CASP9: variants seen among roughly 807,000 people sequenced by gnomAD.
CASP9 encodes caspase-9.
CASP9 carries 29 observed loss-of-function variants against 43.5 expected under a neutral mutation model. The observed-to-expected ratio is 0.67, with a 90% CI of 0.50 to 0.91. The LOEUF (loss-of-function observed/expected upper bound fraction) is 0.91. Among genes scored for constraint, CASP9 ranks in the 40% least tolerant of loss-of-function variants. The pLI, the probability that CASP9 is intolerant of heterozygous loss-of-function variation, is 0.00. For missense variants in CASP9, 575 were observed against 537.4 expected, an observed-to-expected ratio of 1.07 and a Z score of -0.69; for synonymous variants, 206 against 211.9, an observed-to-expected ratio of 0.97 and a Z score of 0.24.
chr1:15,492,894 G>A lies in CASP9; in HGVS notation c.*49C>T, dbSNP rs919546115. ...GGCCTCAGCCTCTTTCAGGCCTGGGGCAGGAAAGCTTTGGGGTGCAAGATA... is the reference window on the plus strand; with the variant it reads ...GGCCTCAGCCTCTTTCAGGCCTGGGACAGGAAAGCTTTGGGGTGCAAGATA... On this transcript the variant is annotated 3_prime_UTR_variant, in exon 9 of 9. Transcript: ENST00000333868. 2 of 1,607,134 alleles carry A rather than the reference G, an allele frequency of 1.2e-6. No homozygotes were observed. The highest frequency in any genetic ancestry group is 1.7e-6 in the Non-Finnish European group (2 of 1,178,844).
chr1:15,509,635 CAAAA>C (rs1334952269), intron 2 of CASP9, among the ~76,000 whole-genome samples: 1 of 116,198 alleles, frequency 8.6e-6, no homozygotes, highest in Non-Finnish European at 1.8e-5. Flanking sequence ...AACTCCATCT[CAAAA>C]AAAAAAAAAA....
rs543011139 is a variant in CASP9 at position 15,496,473 on chromosome 1, T to C, written c.869-1021A>G. ...TCAAATTGGAAAGAAGGAGTAAAAT[T>C]ATCTCTACTCACAAATGGTATGATT... On this transcript the variant is annotated intron_variant, in intron 6 of 8. Transcript: ENST00000333868. Among the ~76,000 whole-genome samples the C allele has an allele frequency of 3.9e-5, 6 of 152,264 alleles. No individual in the cohort carries two copies. In the South Asian group the frequency reaches 8.3e-4, roughly 21 times the overall value.
At chr1:15,523,545 T>C (rs557069885) in intron 1 of CASP9, among the ~76,000 whole-genome samples, 1 of 152,326 alleles carries the variant, frequency 6.6e-6, no homozygotes, top group South Asian at 2.1e-4. Flanking sequence ...GTATCCTAAG[T>C]GACCTAAATC....
At position 15,507,053 on chromosome 1, in the gene CASP9, G is replaced by A. The variant is rs749114374; in HGVS notation, c.476C>T (p.Pro159Leu). 2 of 1,614,176 alleles carry A rather than the reference G, an allele frequency of 1.2e-6. No homozygotes were observed. Among genetic ancestry groups the A allele is most frequent in the Non-Finnish European group, 1.7e-6 (2 of 1,180,034 alleles). The change falls in exon 4 of 9, where the codon CCC (proline) becomes CTC (leucine). Residue 159 changes from proline (P) to leucine (L), a missense_variant. Physicochemically the swap from Pro to Leu is moderately conservative, Grantham distance 98. Coordinates refer to ENST00000333868, the MANE Select transcript of CASP9 (RefSeq NM_001229.5). ...GTTGATAATGAGGCAGTGGCCACAG[G>A]GCTCCATGCTCAGGATGTAAGCCTG... ...ADLAYILSME[P>L]CGHCLIINNV... is the part of the protein sequence containing the mutation.
chr1:15,514,387 C>T lies in CASP9; in HGVS notation c.418+3723G>A, dbSNP rs932491617. Among the ~76,000 whole-genome samples the T allele has an allele frequency of 2.0e-5, 3 of 152,342 alleles. 1 individual carries two copies. Among genetic ancestry groups the T allele is most frequent in the South Asian group, 4.1e-4 (2 of 4,822 alleles). Reference sequence around the variant, plus strand: ...CCTTCCCATACATATGAATACACAGCTCTTCCTTTGTGGGTCACCATGAAA... The same window carrying T: ...CCTTCCCATACATATGAATACACAGTTCTTCCTTTGTGGGTCACCATGAAA... On this transcript the variant is annotated intron_variant, in intron 2 of 8. Transcript: ENST00000333868.
At position 15,524,187 on chromosome 1, in the gene CASP9, T is replaced by A. The variant is rs1481496881; in HGVS notation, c.14A>T (p.Asp5Val). The A allele has an allele frequency of 2.6e-6, 4 of 1,546,248 alleles. No homozygotes were observed. Among genetic ancestry groups the A allele is most frequent in the Admixed American group, 1.9e-5 (1 of 51,838 alleles). Residue 5 changes from aspartate to valine, a missense_variant, in exon 1 of 9, where the codon GAT (aspartate) becomes GTT (valine). Coordinates refer to ENST00000333868, the MANE Select transcript of CASP9 (RefSeq NM_001229.5). Reference sequence around the variant, plus strand: ...CCGGCACCGCCGCAGGAGCCGCCGATCCGCTTCGTCCATGGCGAGTAGCCA... The same window carrying A: ...CCGGCACCGCCGCAGGAGCCGCCGAACCGCTTCGTCCATGGCGAGTAGCCA... MDEA[D>V]RRLLRRCRLR... is the part of the protein sequence containing the mutation.
intron 7 of CASP9, among the ~76,000 whole-genome samples, chr1:15,494,903 CGCTTGCT>C (rs1158513296): frequency 6.7e-6 from 1 of 150,252 alleles, no homozygotes; most frequent in Non-Finnish European, 1.5e-5. Flanking sequence ...AGGAAACTAC[CGCTTGCT>C]GCAACTACTA....
At chr1:15,513,469 G>A (rs1417114087) in intron 2 of CASP9, among the ~76,000 whole-genome samples, 1 of 152,116 alleles carries the variant, frequency 6.6e-6, no homozygotes, top group African/African-American at 2.4e-5. Context: ...CCATTCTGAA[G>A]GAAAAGGCAT....
chr1:15,509,471 A>G (rs1445913683), intron 2 of CASP9, among the ~76,000 whole-genome samples: 31 of 150,706 alleles, frequency 2.1e-4, no homozygotes, highest in Non-Finnish European at 4.4e-4. Context: ...AAAAAAAAAA[A>G]AAAAAAAAGA....
Position 15,524,067 on chromosome 1 carries a change from A to T in CASP9, c.132+2T>A. 1 of 1,448,666 alleles carries T rather than the reference A, an allele frequency of 6.9e-7. No individual in the cohort carries two copies. Among genetic ancestry groups the T allele is most frequent in the Non-Finnish European group, 9.0e-7 (1 of 1,107,818 alleles). 89.7% of individuals were successfully genotyped at this position (1,448,666 alleles called of 1,614,324 possible). On this transcript the variant is annotated splice_donor_variant, in intron 1 of 8. Transcript: ENST00000333868. LOFTEE classifies it high-confidence loss of function. ...CGCGGGGACAGGGGGCCGGGGGCGC[A>T]CCTGGATGTCCTCGATCATATGGGG...
At chr1:15,495,090 C>T (rs4233532) in intron 7 of CASP9, among the ~76,000 whole-genome samples, 183 bp downstream of exon 7, 90,073 of 151,420 alleles carry the variant, frequency 0.59, 27,637 homozygotes, top group African/African-American at 0.74. Flanking sequence ...CTCCTTGCAG[C>T]GCGCATCCTT....
chr1:15,511,553 A>G (rs1709755534), intron 2 of CASP9, among the ~76,000 whole-genome samples: 1 of 152,072 alleles, frequency 6.6e-6, no homozygotes, highest in African/African-American at 2.4e-5. Context: ...ACAAGCACAC[A>G]CCACCACGCC....
intron 7 of CASP9, among the ~76,000 whole-genome samples, chr1:15,494,377 C>G (rs960682678): frequency 5.3e-5 from 8 of 152,110 alleles, no homozygotes; most frequent in African/African-American, 1.9e-4. Flanking sequence ...CCAGCCTGGC[C>G]AACATGGTGA....
At chr1:15,517,051 T>C (rs888763587) in intron 2 of CASP9, among the ~76,000 whole-genome samples, 1 of 152,190 alleles carries the variant, frequency 6.6e-6, no homozygotes, top group South Asian at 2.1e-4. Flanking sequence ...TACTCAATAA[T>C]GTTCACCATT....
At chr1:15,517,555 G>C (rs1709998800) in intron 2 of CASP9, among the ~76,000 whole-genome samples, 1 of 152,124 alleles carries the variant, frequency 6.6e-6, no homozygotes, top group African/African-American at 2.4e-5. Context: ...TGGGATTTAT[G>C]CATTTTGTTG....
At chr1:15,513,493 T>C (rs1709842820) in intron 2 of CASP9, among the ~76,000 whole-genome samples, 1 of 152,124 alleles carries the variant, frequency 6.6e-6, no homozygotes, top group Admixed American at 6.5e-5. Context: ...CCTTTGAATA[T>C]ACAAAGACAA....
In CASP9 at chr1:15,518,313, AAAGG is replaced by A; in HGVS notation, c.211_214del (p.Pro71CysfsTer6). The A allele has an allele frequency of 1.9e-6, 3 of 1,614,210 alleles. No individual in the cohort carries two copies. Among genetic ancestry groups the A allele is most frequent in the Non-Finnish European group, 2.5e-6 (3 of 1,180,048 alleles). ...TGTGTCCTCTAAGCAGGAGATGAAC[AAAGG>A]AAGAGCCTGACTCCCTCGAGTCTCC... On this transcript the variant is annotated frameshift_variant, in exon 2 of 9. Transcript: ENST00000333868. LOFTEE classifies it high-confidence loss of function.
chr1:15,507,694 T>C, intron 3 of CASP9, 179 bp downstream of exon 3: 1 of 632,904 alleles, frequency 1.6e-6, no homozygotes, highest in Non-Finnish European at 2.8e-6. Flanking sequence ...AGCGCAGAGA[T>C]GAACAATCTG....
rs142892430 is a variant in CASP9, at chr1:15,501,549, C to T, written c.868+3062G>A. ...CCCCTCGCCAGGCACTAGTGAAGAA[C>T]GGGGACCTTTCTATTTCTGCTCTCA... On this transcript the variant is annotated intron_variant, in intron 6 of 8. Transcript: ENST00000333868. Among the ~76,000 whole-genome samples, 148 of 152,286 alleles carry T rather than the reference C, an allele frequency of 9.7e-4. 1 individual carries two copies. Among genetic ancestry groups the T allele is most frequent in the African/African-American group, 3.4e-3 (141 of 41,564 alleles).
Sources: gnomAD v4.1 joint callset for allele counts (sites outside exome capture counted in the v4.1 genomes callset) on GRCh38, gnomAD v4.1.1 for gene constraint, MANE v1.5 for transcripts, NCBI Gene and HGNC (gene_info 2026-07-23, HGNC 2026-07-21) for gene names.